SGK3: variants seen among roughly 807,000 people sequenced by gnomAD.
SGK3 encodes the protein serum/glucocorticoid regulated kinase family member 3.
In SGK3, 47 loss-of-function variants were observed where a neutral mutation model predicts 68.5. That is an observed-to-expected ratio of 0.69 (90% CI 0.54 to 0.87). SGK3 has a LOEUF of 0.87. Among genes scored for constraint, SGK3 ranks in the 40% least tolerant of loss-of-function variants. The pLI, the probability that SGK3 is intolerant of heterozygous loss-of-function variation, is 0.00. For missense variants in SGK3, 479 were observed against 575.5 expected, an observed-to-expected ratio of 0.83 and a Z score of 1.72; for synonymous variants, 181 against 189.1, an observed-to-expected ratio of 0.96 and a Z score of 0.35.
chr8:66,810,862 A>G (rs940470846), intron 4 of SGK3, among the ~76,000 whole-genome samples: 2 of 151,756 alleles, frequency 1.3e-5, no homozygotes, highest in Admixed American at 6.6e-5. Context: ...TCTTTTGTCT[A>G]CTTTATTCTA....
chr8:66,723,140 T>A (rs1400414749), intron 1 of SGK3, among the ~76,000 whole-genome samples: 5 of 117,664 alleles, frequency 4.2e-5, no homozygotes, highest in African/African-American at 6.7e-5. Context: ...TATTTTTTTT[T>A]TTTTTTTTTT....
At chr8:66,713,173 C>G (rs546457310) in intron 1 of SGK3, among the ~76,000 whole-genome samples, 1 of 152,122 alleles carries the variant, frequency 6.6e-6, no homozygotes, top group African/African-American at 2.4e-5. Context: ...CTGCGAGGGT[C>G]GGGGAGGGGG....
chr8:66,745,934 C>G (rs981903766), intron 1 of SGK3, among the ~76,000 whole-genome samples: 2 of 152,124 alleles, frequency 1.3e-5, no homozygotes, highest in African/African-American at 4.8e-5. Flanking sequence ...CCAAAAGAGC[C>G]CACCTCCCAA....
rs532933582 is a variant in SGK3 at position 66,829,503 on chromosome 8, A to G, written c.467+800A>G. On this transcript the variant is annotated intron_variant, in intron 7 of 16. Coordinates refer to ENST00000521198, the MANE Select transcript of SGK3 (RefSeq NM_001033578.3). ...GTAAGATAAGAGAAAAACCAGGAAT[A>G]TGGTTTCCTGAAGTCAGGGGAAGAG... Among the ~76,000 whole-genome samples the G allele has an allele frequency of 2.0e-5, 3 of 152,330 alleles. No homozygotes were observed. In the South Asian group the frequency reaches 6.2e-4, roughly 32 times the overall value.
intron 5 of SGK3, among the ~76,000 whole-genome samples, chr8:66,817,425 A>G (rs965872816): frequency 6.6e-6 from 1 of 151,332 alleles, no homozygotes; most frequent in East Asian, 2.0e-4. Flanking sequence ...GTGAGACTCC[A>G]TCTCAAAAAA....
intron 1 of SGK3, among the ~76,000 whole-genome samples, chr8:66,730,858 T>G (rs1269485187): frequency 6.7e-6 from 1 of 149,496 alleles, no homozygotes; most frequent in Non-Finnish European, 1.5e-5. Context: ...TTTTTTTTTT[T>G]GTATTTTTGG....
At chr8:66,808,339 G>A (rs1302999419) in intron 4 of SGK3, among the ~76,000 whole-genome samples, 1 of 152,082 alleles carries the variant, frequency 6.6e-6, no homozygotes, top group East Asian at 1.9e-4. Flanking sequence ...TTCTTCATGG[G>A]ATATATTGCT....
At chr8:66,843,736 G>A (rs1310253289) in intron 14 of SGK3, among the ~76,000 whole-genome samples, 189 bp downstream of exon 14, 1 of 152,232 alleles carries the variant, frequency 6.6e-6, no homozygotes, top group Non-Finnish European at 1.5e-5. Flanking sequence ...GCTCACGCCA[G>A]TAATCCCAGC....
intron 1 of SGK3, among the ~76,000 whole-genome samples, chr8:66,791,280 A>G (rs1807442665): frequency 6.6e-6 from 1 of 152,196 alleles, no homozygotes; most frequent in South Asian, 2.1e-4. Flanking sequence ...CAGCCAGAGG[A>G]CAAAAGCAAA....
At chr8:66,747,732 T>A (rs1046932898) in intron 1 of SGK3, among the ~76,000 whole-genome samples, 1 of 152,138 alleles carries the variant, frequency 6.6e-6, no homozygotes, top group East Asian at 1.9e-4. Flanking sequence ...TAATTTTTAA[T>A]TTTTTTGTAG....
chr8:66,768,062 T>G, intron 1 of SGK3: 1 of 564,864 alleles, frequency 1.8e-6, no homozygotes, highest in Non-Finnish European at 3.3e-6. Context: ...TTTATTACAG[T>G]CTATCTTCAT....
intron 10 of SGK3, among the ~76,000 whole-genome samples, chr8:66,838,213 G>A (rs1340407893): frequency 2.6e-5 from 4 of 152,046 alleles, no homozygotes; most frequent in African/African-American, 4.8e-5. Context: ...TTACAGGCAC[G>A]TGCCATGACG....
At chr8:66,834,380 T>C (rs1458658682) in intron 8 of SGK3, among the ~76,000 whole-genome samples, 1 of 152,166 alleles carries the variant, frequency 6.6e-6, no homozygotes. Flanking sequence ...GAAGTTGACA[T>C]TGTGGTAGTT....
chr8:66,802,681 A>AAG (rs1364838530), intron 3 of SGK3, among the ~76,000 whole-genome samples: 1 of 149,606 alleles, frequency 6.7e-6, no homozygotes. Context: ...AAAAGAAAGA[A>AAG]AGAGAGAGGG....
intron 9 of SGK3, 34 bp from the exon 10 acceptor site, chr8:66,835,909 G>A (rs1458683206): frequency 1.9e-6 from 3 of 1,612,436 alleles, no homozygotes; most frequent in Non-Finnish European, 2.5e-6. Flanking sequence ...GTTTTCTAGT[G>A]TATAATACAA....
At chr8:66,732,870 T>C (rs1361863240) in intron 1 of SGK3, among the ~76,000 whole-genome samples, 1 of 152,098 alleles carries the variant, frequency 6.6e-6, no homozygotes, top group Non-Finnish European at 1.5e-5. Context: ...AAAAAAATTA[T>C]TGTTTTGATA....
chr8:66,816,623 C>T (rs971353944), intron 5 of SGK3, among the ~76,000 whole-genome samples: 6 of 152,106 alleles, frequency 3.9e-5, no homozygotes, highest in Non-Finnish European at 5.9e-5. Flanking sequence ...GGATTACAGG[C>T]GTGAGCCATC....
At chr8:66,806,814 G>GAAAAAAAAAAAAAAAAAAAAAAAAA (rs71249409) in intron 4 of SGK3, among the ~76,000 whole-genome samples, 2 of 84,636 alleles carry the variant, frequency 2.4e-5, no homozygotes, top group African/African-American at 4.3e-5. Flanking sequence ...ACTCTGTCTC[G>GAAAAAAAAAAAAAAAAAAAAAAAAA]AAAAAAAAAA....
At position 66,798,589 on chromosome 8, in the gene SGK3, C is replaced by T; in HGVS notation, c.144C>T (p.Phe48=). The T allele has an allele frequency of 1.2e-6, 2 of 1,611,434 alleles. No homozygotes were observed. The highest frequency in any genetic ancestry group is 2.2e-5 in the East Asian group (1 of 44,772). The change falls in exon 3 of 17, where the codon TTC becomes TTT. Residue 48 remains phenylalanine, a synonymous_variant. Coordinates refer to ENST00000521198, the MANE Select transcript of SGK3 (RefSeq NM_001033578.3). The stretch of plus-strand genomic sequence containing the variant: ...TGGGAAGAAGTGAATGGTTTGTCTT[C>T]AGGAGATATGCAGAGTTTGATAAAC... ...VSVGRSEWFV[F]RRYAEFDKLY...
Sources: gnomAD v4.1 joint callset for allele counts (sites outside exome capture counted in the v4.1 genomes callset) on GRCh38, gnomAD v4.1.1 for gene constraint, MANE v1.5 for transcripts, NCBI Gene and HGNC (gene_info 2026-07-23, HGNC 2026-07-21) for gene names.